DPP10: variants seen among roughly 807,000 people sequenced by gnomAD.
DPP10 encodes inactive dipeptidyl peptidase 10.
DPP10 carries 33 observed loss-of-function variants against 120.9 expected under a neutral mutation model. The observed-to-expected ratio is 0.27, with a 90% confidence interval of 0.21 to 0.37. The LOEUF (loss-of-function observed/expected upper bound fraction) is 0.37, where lower values mean the gene tolerates loss of function less well. DPP10 is among the 10% of genes least tolerant of loss of function. The probability of loss-of-function intolerance (pLI) is 1.00; values close to 1 mark genes in which losing one functional copy is unlikely to be tolerated. For missense variants in DPP10, 816 were observed against 942.8 expected (o/e 0.87, Z 1.76); for synonymous variants, 337 against 326.1 (o/e 1.03, Z -0.36).
intron 1 of DPP10, among the ~76,000 whole-genome samples, chr2:115,166,513 T>G (rs2052864768): frequency 7.0e-6 from 1 of 143,834 alleles, no homozygotes; most frequent in African/African-American, 2.5e-5. Context: ...ATTATATAAA[T>G]TTATAATATA....
intron 3 of DPP10, among the ~76,000 whole-genome samples, chr2:115,422,693 A>G (rs941811508): frequency 6.6e-6 from 1 of 152,196 alleles, no homozygotes; most frequent in African/African-American, 2.4e-5. Flanking sequence ...ATTGAGAACA[A>G]AGAGAAAAAA....
intron 1 of DPP10, among the ~76,000 whole-genome samples, chr2:114,480,213 C>T (rs1573450304): frequency 6.6e-6 from 1 of 151,104 alleles, no homozygotes; most frequent in East Asian, 2.0e-4. Context: ...ACAACAGGTG[C>T]TGGAGAGGAT....
chr2:114,591,006 C>T (rs1415445548), intron 1 of DPP10, among the ~76,000 whole-genome samples: 1 of 152,048 alleles, frequency 6.6e-6, no homozygotes, highest in African/African-American at 2.4e-5. Flanking sequence ...AAAAAATAGT[C>T]GTCTGTATTT....
At chr2:115,349,566 A>G (rs1045384638) in intron 3 of DPP10, among the ~76,000 whole-genome samples, 7 of 152,140 alleles carry the variant, frequency 4.6e-5, no homozygotes, top group African/African-American at 1.7e-4. Context: ...TGAACACCTG[A>G]CATTTGTTAA....
intron 3 of DPP10, among the ~76,000 whole-genome samples, chr2:115,457,350 C>T (rs1179905184): frequency 1.3e-5 from 2 of 151,978 alleles, no homozygotes; most frequent in Non-Finnish European, 2.9e-5. Flanking sequence ...TTGATTTAGA[C>T]AAATATTCTT....
chr2:115,292,406 T>G (rs2060696821), intron 1 of DPP10, among the ~76,000 whole-genome samples: 1 of 152,166 alleles, frequency 6.6e-6, no homozygotes, highest in Non-Finnish European at 1.5e-5. Context: ...AAACTACTTT[T>G]GAAATATTCT....
At chr2:114,872,356 G>A (rs1690756239) in intron 1 of DPP10, among the ~76,000 whole-genome samples, 2 of 152,046 alleles carry the variant, frequency 1.3e-5, no homozygotes, top group African/African-American at 2.4e-5. Flanking sequence ...GAACAGCATA[G>A]GGGAACACCC....
intron 5 of DPP10, among the ~76,000 whole-genome samples, chr2:115,569,323 C>T (rs906489076): frequency 3.3e-5 from 5 of 151,982 alleles, no homozygotes; most frequent in Non-Finnish European, 7.4e-5. Flanking sequence ...TTTAAAAAGA[C>T]AAAAGTTTGT....
chr2:115,475,692 G>A (rs1046081294), intron 3 of DPP10, among the ~76,000 whole-genome samples: 2 of 152,196 alleles, frequency 1.3e-5, no homozygotes, highest in African/African-American at 2.4e-5. Context: ...AGTTGTGGGG[G>A]CTAAACCCTA....
chr2:115,489,682 C>G (rs1251393801), intron 3 of DPP10, among the ~76,000 whole-genome samples: 1 of 151,026 alleles, frequency 6.6e-6, no homozygotes, highest in African/African-American at 2.4e-5. Flanking sequence ...GATAGCAGAC[C>G]CTGAAGGAAA....
At chr2:114,806,591 G>A (rs900704322) in intron 1 of DPP10, among the ~76,000 whole-genome samples, 10 of 152,146 alleles carry the variant, frequency 6.6e-5, no homozygotes, top group Admixed American at 4.6e-4. Context: ...TTCTTAGATC[G>A]TTATGAGTTA....
chr2:114,480,074 A>T (rs1680882051), intron 1 of DPP10, among the ~76,000 whole-genome samples: 2 of 152,244 alleles, frequency 1.3e-5, no homozygotes, highest in Non-Finnish European at 2.9e-5. Context: ...ATTTCTCAAG[A>T]CATTTATGCA....
At chr2:115,264,470 C>T (rs563448225) in intron 1 of DPP10, among the ~76,000 whole-genome samples, 66 of 152,252 alleles carry the variant, frequency 4.3e-4, no homozygotes, top group African/African-American at 1.5e-3. Flanking sequence ...TGGTTGGATA[C>T]AGCTTATTAT....
chr2:114,565,790 C>T (rs1209657401), intron 1 of DPP10, among the ~76,000 whole-genome samples: 2 of 152,162 alleles, frequency 1.3e-5, no homozygotes, highest in Non-Finnish European at 2.9e-5. Flanking sequence ...CCACAGATTC[C>T]TTGTATTTAA....
intron 1 of DPP10, among the ~76,000 whole-genome samples, chr2:115,031,393 G>T (rs894918559): frequency 1.3e-5 from 2 of 152,156 alleles, no homozygotes; most frequent in African/African-American, 4.8e-5. Flanking sequence ...GATTATTAGA[G>T]TTGGCTTGGT....
At chr2:115,757,852 C>T (rs964834638) in intron 11 of DPP10, among the ~76,000 whole-genome samples, 3 of 151,864 alleles carry the variant, frequency 2.0e-5, no homozygotes, top group Admixed American at 2.0e-4. Context: ...TATTCAAAAC[C>T]AATTCACGAT....
At chr2:115,816,999 A>G (rs557505680) in intron 21 of DPP10, among the ~76,000 whole-genome samples, 1 of 149,400 alleles carries the variant, frequency 6.7e-6, no homozygotes, top group Admixed American at 6.7e-5. Flanking sequence ...CTGTAATCCC[A>G]GCACTTTGGG....
chr2:115,145,262 T>C (rs958614386), intron 1 of DPP10, among the ~76,000 whole-genome samples: 9 of 152,106 alleles, frequency 5.9e-5, no homozygotes, highest in Admixed American at 2.6e-4. Context: ...GGCAGAATAG[T>C]TTCCTGTTCC....
chr2:115,166,473 A>G (rs114322378), intron 1 of DPP10, among the ~76,000 whole-genome samples: 17,984 of 144,018 alleles, frequency 0.12, 1,253 homozygotes, highest in African/African-American at 0.17. Context: ...CTCTCCCTGA[A>G]TTTCTTATTT....
Sources: gnomAD v4.1 joint callset for allele counts (sites outside exome capture counted in the v4.1 genomes callset) on GRCh38, gnomAD v4.1.1 for gene constraint, MANE v1.5 for transcripts, NCBI Gene and HGNC (gene_info 2026-07-23, HGNC 2026-07-21) for gene names.